The following CHERP variants were observed in gnomAD, a reference collection of about 807,000 sequenced individuals.
CHERP encodes ERPROT 213-21.
A neutral mutation model predicts 113.8 loss-of-function variants in CHERP; 8 were observed. The ratio of observed to expected loss-of-function variants is 0.07; its 90% CI spans 0.04 to 0.13. The LOEUF (loss-of-function observed/expected upper bound fraction) is 0.13, where lower values mean the gene tolerates loss of function less well. Ranked by LOEUF, CHERP falls within the 10% of genes least tolerant of loss-of-function variation. CHERP has a pLI of 1.00. For missense variants in CHERP, 884 were observed against 1,298.2 expected, an observed-to-expected ratio of 0.68 and a Z score of 4.90; for synonymous variants, 559 against 524.5, an observed-to-expected ratio of 1.07 and a Z score of -0.90.
rs1290846533 is a variant in CHERP at position 16,532,557 on chromosome 19, G to A, written c.674+41C>T. On this transcript the variant is annotated intron_variant, in intron 5 of 16. Transcript: ENST00000546361. This position sits in a 1 kb window ranked among gnomAD's most constrained non-coding sequence, Gnocchi z 4.4. ...CCACCCAGGAGGGTTGAGGAGGAGC[G>A]CGAGGAAGTGGCGCTCTGGGCACGG... is the stretch of plus-strand genomic sequence containing the variant. 4.5e-6 allele frequency: 7 copies of A among 1,543,228 alleles called. No homozygotes were observed. The highest frequency in any genetic ancestry group is 1.8e-5 in the Admixed American group (1 of 54,950).
In CHERP at chr19:16,530,508, T is replaced by C. The variant is rs1448845900; in HGVS notation, c.876+77A>G. The C allele has an allele frequency of 7.4e-7, 1 of 1,354,390 alleles. No homozygotes were observed. Among genetic ancestry groups the C allele is most frequent in the Non-Finnish European group, 1.1e-6 (1 of 948,086 alleles). The allele number at this position is 1,354,390 out of a possible 1,614,324, so 83.9% of individuals were successfully genotyped here. On this transcript the variant is annotated intron_variant, in intron 7 of 16. Transcript: ENST00000546361. The surrounding 1 kb of genome is among the most constrained non-coding windows in gnomAD (Gnocchi z 4.1). ...CTCTGGCTGCTGGGGTGGCAGCTGC[T>C]GTCCCCACACTCCCAAACCCTCCTG...
Position 16,521,661 on chromosome 19 carries a change from C to A in CHERP, c.1981-7G>T. 6.4e-7 allele frequency: 1 copy of A among 1,565,040 alleles called. No homozygotes were observed. ...TGTACTCGTGATCTTCCAGCTGCAG[C>A]AGAGAACCCCAGCTGTCACCATGCC... On this transcript the variant is annotated splice_polypyrimidine_tract_variant and splice_region_variant and intron_variant, in intron 11 of 16. Transcript: ENST00000546361.
chr19:16,527,767 GA>G (rs1168386442), intron 9 of CHERP, among the ~76,000 whole-genome samples: 1 of 152,154 alleles, frequency 6.6e-6, no homozygotes, highest in African/African-American at 2.4e-5. Context: ...CCTGTTTAAG[GA>G]GGACAGGAAA....
chr19:16,523,384 G>GGGGT lies in CHERP; in HGVS notation c.1742-95_1742-94insACCC. On this transcript the variant is annotated intron_variant, in intron 10 of 16. Transcript: ENST00000546361. This position sits in a 1 kb window ranked among gnomAD's most constrained non-coding sequence, Gnocchi z 4.0. ...GGAGGGGCTCAGTGAAGGGCCAGGA[G>GGGGT]ACGAACCCCTCCTGGGAGCCTGTCC... The GGGGT allele has an allele frequency of 7.0e-7, 1 of 1,426,544 alleles. No homozygotes were observed. The highest frequency in any genetic ancestry group is 9.6e-7 in the Non-Finnish European group (1 of 1,038,396). 88.4% of individuals were successfully genotyped at this position (1,426,544 alleles called of 1,614,324 possible). A position where few individuals can be genotyped will look rare whatever the true frequency, so the allele number is the denominator to read the frequency against.
intron 12 of CHERP, chr19:16,521,307 C>G (rs1014077325): frequency 1.1e-4 from 64 of 579,712 alleles, no homozygotes; most frequent in Non-Finnish European, 1.7e-4. Context: ...CCACACCTTC[C>G]CTAACTTCTT....
Position 16,525,172 on chromosome 19 carries a change from C to T in CHERP, c.1741+70G>A. 7 of 1,332,110 alleles carry T rather than the reference C, an allele frequency of 5.3e-6. No individual in the cohort carries two copies. Among genetic ancestry groups the T allele is most frequent in the Non-Finnish European group, 6.9e-6 (7 of 1,018,966 alleles). 82.5% of individuals were successfully genotyped at this position (1,332,110 alleles called of 1,614,324 possible). ...GAGCATGGCAGGGCCACAAGCAGCGCCACCAGCCTGCTCGGCAGGCGAGCC... is the reference window on the plus strand; with the variant it reads ...GAGCATGGCAGGGCCACAAGCAGCGTCACCAGCCTGCTCGGCAGGCGAGCC... On this transcript the variant is annotated intron_variant, in intron 10 of 16. Transcript: ENST00000546361. The surrounding 1 kb of genome is among the most constrained non-coding windows in gnomAD (Gnocchi z 6.5).
At position 16,525,260 on chromosome 19, in the gene CHERP, G is replaced by C; in HGVS notation, c.1723C>G (p.Gln575Glu). Residue 575 changes from glutamine (Q) to glutamate (E), a missense_variant, in exon 10 of 17, where the codon CAG becomes GAG. Transcript: ENST00000546361. The surrounding 1 kb of genome is among the most constrained non-coding windows in gnomAD (Gnocchi z 6.5). ...PPYPHRFDYP[Q>E]GDFPAEMGPP... ...CACTCACCGGCAGGGAAGTCCCCCT[G>C]GGGGTAGTCGAAGCGGTGGGGATAG... 7.0e-7 allele frequency: 1 copy of C among 1,432,712 alleles called. No homozygotes were observed. The highest frequency in any genetic ancestry group is 9.2e-7 in the Non-Finnish European group (1 of 1,091,218). The allele number at this position is 1,432,712 out of a possible 1,614,324, so 88.7% of individuals were successfully genotyped here.
At chr19:16,521,153 A>T in intron 12 of CHERP, 2 of 590,842 alleles carry the variant, frequency 3.4e-6, no homozygotes, top group Non-Finnish European at 6.0e-6. Context: ...GGTGGTGGGG[A>T]CCCATGGTCT....
rs781619096 is a variant in CHERP at position 16,529,832 on chromosome 19, C to T, written c.945G>A (p.Gln315=). The T allele has an allele frequency of 6.2e-7, 1 of 1,613,832 alleles. No homozygotes were observed. The highest frequency in any genetic ancestry group is 2.2e-5 in the East Asian group (1 of 44,888). The change falls in exon 8 of 17, where the codon CAG becomes CAA. Residue 315 remains glutamine, a synonymous_variant. Transcript: ENST00000546361. ...PVQLAFQQQI[Q]TLKTQHEEFV... ...ACTCCTCGTGCTGCGTCTTGAGGGT[C>T]TGGATCTGCTGCTGGAAGGCCAGCT...
rs2085698627 is a variant in CHERP, at chr19:16,530,976, T to G, written c.675-96A>C. On this transcript the variant is annotated intron_variant, in intron 5 of 16. Transcript: ENST00000546361. This position sits in a 1 kb window ranked among gnomAD's most constrained non-coding sequence, Gnocchi z 4.1. The stretch of plus-strand genomic sequence containing the variant: ...GGCTCCAGCCTCAGCGCCCTCTGCC[T>G]TCTCGGGAATCGGGTCCCCAACCCG... 1 of 1,516,192 alleles carries G rather than the reference T, an allele frequency of 6.6e-7. No individual in the cohort carries two copies. Among genetic ancestry groups the G allele is most frequent in the Non-Finnish European group, 8.8e-7 (1 of 1,134,588 alleles). 93.9% of individuals were successfully genotyped at this position (1,516,192 alleles called of 1,614,324 possible). A position where few individuals can be genotyped will look rare whatever the true frequency, so the allele number is the denominator to read the frequency against.
rs1298994884 is a variant in CHERP at position 16,525,638 on chromosome 19, G to A, written c.1345C>T (p.Pro449Ser). 3 of 1,528,968 alleles carry A rather than the reference G, an allele frequency of 2.0e-6. No individual in the cohort carries two copies. The highest frequency in any genetic ancestry group is 2.6e-6 in the Non-Finnish European group (3 of 1,140,380). The allele number at this position is 1,528,968 out of a possible 1,614,324, so 94.7% of individuals were successfully genotyped here. The change falls in exon 10 of 17, where the codon CCA (proline) becomes TCA (serine). Residue 449 changes from proline (P) to serine (S), a missense_variant. By Grantham distance (74) the Pro-to-Ser change is moderately conservative (BLOSUM62 -1). Transcript: ENST00000546361. The surrounding 1 kb of genome is among the most constrained non-coding windows in gnomAD (Gnocchi z 6.5). ...QPPYPHHQGG[P>S]PHCPPWNNSH... ...TTGTTCCAGGGGGGGCAGTGGGGTG[G>A]GCCGCCCTGGTGGTGCGGGTAGGGT... is the stretch of plus-strand genomic sequence containing the variant.
intron 10 of CHERP, among the ~76,000 whole-genome samples, chr19:16,524,409 A>G (rs2085642239): frequency 6.6e-6 from 1 of 151,926 alleles, no homozygotes; most frequent in Non-Finnish European, 1.5e-5. Flanking sequence ...ACAAAAAATT[A>G]GCCAGGCATG....
In CHERP at chr19:16,523,172, G is replaced by A. The variant is rs1432905200; in HGVS notation, c.1860C>T (p.Asn620=). 19 of 1,570,112 alleles carry A rather than the reference G, an allele frequency of 1.2e-5. No homozygotes were observed. Among genetic ancestry groups the A allele is most frequent in the Non-Finnish European group, 1.5e-5 (17 of 1,161,262 alleles). Residue 620 remains asparagine, a synonymous_variant, in exon 11 of 17, where the codon AAC becomes AAT. Transcript: ENST00000546361. The surrounding 1 kb of genome is among the most constrained non-coding windows in gnomAD (Gnocchi z 4.0). ...GTCGCCGCATGTGTGGGGGCTGCCC[G>A]TTGAAGCCATGGGGGGGAGGGCCGA... ...PDFGPPPHGF[N]GQPPHMRRQG...
chr19:16,533,258 A>C, intron 3 of CHERP, 110 bp from the exon 4 acceptor site: 1 of 1,073,306 alleles, frequency 9.3e-7, no homozygotes, highest in African/African-American at 1.6e-5. Flanking sequence ...CGATGCCCGG[A>C]CTCTGGGCTG....
chr19:16,519,458 G>C lies in CHERP; in HGVS notation c.2558-106C>G. ...GCAGTGTAGACATGGGAAATGGGTA[G>C]AGAGAACCCGCAGGCCGGCCCTGTC... On this transcript the variant is annotated intron_variant, in intron 16 of 16. Coordinates refer to ENST00000546361, the MANE Select transcript of CHERP (RefSeq NM_006387.6). This position sits in a 1 kb window ranked among gnomAD's most constrained non-coding sequence, Gnocchi z 6.0. The C allele has an allele frequency of 7.5e-7, 1 of 1,335,648 alleles. No homozygotes were observed. The highest frequency in any genetic ancestry group is 1.3e-5 in the South Asian group (1 of 76,564). The allele number at this position is 1,335,648 out of a possible 1,614,324, so 82.7% of individuals were successfully genotyped here.
chr19:16,531,104 T>C (rs1483919487), intron 5 of CHERP, among the ~76,000 whole-genome samples: 1 of 152,144 alleles, frequency 6.6e-6, no homozygotes, highest in African/African-American at 2.4e-5. Flanking sequence ...GAACGTGGCC[T>C]GGGGCCGTTC....
Position 16,519,491 on chromosome 19 carries a change from T to A in CHERP, c.2557+130A>T. ...CCGCAGGCCGGCCCTGTCTAGAGGG[T>A]CTGGGTGGAGTCAGAACCGGCCTGA... On this transcript the variant is annotated intron_variant, in intron 16 of 16. Transcript: ENST00000546361. This position sits in a 1 kb window ranked among gnomAD's most constrained non-coding sequence, Gnocchi z 6.0. 8.0e-7 allele frequency: 1 copy of A among 1,251,406 alleles called. No homozygotes were observed. Among genetic ancestry groups the A allele is most frequent in the Non-Finnish European group, 1.1e-6 (1 of 873,080 alleles). 77.5% of individuals were successfully genotyped at this position (1,251,406 alleles called of 1,614,324 possible). A position where few individuals can be genotyped will look rare whatever the true frequency, so the allele number is the denominator to read the frequency against.
At position 16,531,008 on chromosome 19, in the gene CHERP, G is replaced by A. The variant is rs186646411; in HGVS notation, c.675-128C>T. On this transcript the variant is annotated intron_variant, in intron 5 of 16. Coordinates refer to ENST00000546361, the MANE Select transcript of CHERP (RefSeq NM_006387.6). ...GAATCGGGTCCCCAACCCGGTCAGG[G>A]CGATGGCTGGGCTCCCACGAGACCT... 537 of 1,437,260 alleles carry A rather than the reference G, an allele frequency of 3.7e-4. 17 individuals carry two copies. In the East Asian group the frequency reaches 5.3e-3, roughly 14 times the overall value. 89.0% of individuals were successfully genotyped at this position (1,437,260 alleles called of 1,614,324 possible).
chr19:16,524,580 A>G (rs1479072650), intron 10 of CHERP, among the ~76,000 whole-genome samples: 2 of 151,262 alleles, frequency 1.3e-5, no homozygotes, highest in African/African-American at 2.4e-5. Flanking sequence ...GTACTAAAAG[A>G]TTAGAAATAA....
Sources: allele counts gnomAD v4.1 joint callset (sites outside exome capture counted in the v4.1 genomes callset), GRCh38; gene constraint gnomAD v4.1.1; non-coding constraint Gnocchi (gnomAD v3.1); transcripts MANE v1.5; gene names NCBI Gene and HGNC (gene_info 2026-07-23, HGNC 2026-07-21).